Variants in CTNNA3 observed in about 807,000 individuals in gnomAD.
CTNNA3 encodes catenin alpha 3.
Under a neutral mutation model 95.7 loss-of-function variants are expected in CTNNA3, and 76 were observed. The ratio of observed to expected loss-of-function variants is 0.79; its 90% confidence interval spans 0.66 to 0.96. CTNNA3 has a LOEUF of 0.96. CTNNA3 is among the 40% of genes least tolerant of loss of function. The pLI is 0.00. For synonymous variants in CTNNA3, 431 were observed against 374.4 expected (o/e 1.15, Z -1.74); for missense variants, 1,191 against 1,089.8 (o/e 1.09, Z -1.31).
At chr10:66,069,890 G>A (rs1409921719) in intron 14 of CTNNA3, among the ~76,000 whole-genome samples, 1 of 152,036 alleles carries the variant, frequency 6.6e-6, no homozygotes, top group African/African-American at 2.4e-5. Flanking sequence ...CTTGAAATGA[G>A]ACTATGTCTA....
chr10:66,718,403 T>C (rs984894305), intron 9 of CTNNA3, among the ~76,000 whole-genome samples: 119 of 152,148 alleles, frequency 7.8e-4, no homozygotes, highest in African/African-American at 2.8e-3. Flanking sequence ...TTAATAGTTC[T>C]CCATTGTTAA....
At chr10:66,316,719 CT>C (rs1245670862) in intron 12 of CTNNA3, among the ~76,000 whole-genome samples, 20 of 152,062 alleles carry the variant, frequency 1.3e-4, no homozygotes, top group Admixed American at 7.9e-4. Context: ...TTTTCTCCCC[CT>C]ATCATTGTTT....
intron 7 of CTNNA3, among the ~76,000 whole-genome samples, chr10:67,083,253 C>A (rs1383393087): frequency 6.6e-6 from 1 of 152,126 alleles, no homozygotes; most frequent in Non-Finnish European, 1.5e-5. Flanking sequence ...AGGCTTAGCA[C>A]CATAACACAA....
intron 7 of CTNNA3, among the ~76,000 whole-genome samples, chr10:66,831,504 G>A (rs896852380): frequency 4.6e-5 from 7 of 152,110 alleles, no homozygotes; most frequent in Admixed American, 3.3e-4. Context: ...AATCTTTTCT[G>A]GGATGCTTTC....
At chr10:67,672,736 A>T (rs147872249) in intron 1 of CTNNA3, among the ~76,000 whole-genome samples, 2 of 152,074 alleles carry the variant, frequency 1.3e-5, no homozygotes, top group African/African-American at 4.8e-5. Flanking sequence ...TTTTGGTACC[A>T]GTATCATGCT....
intron 6 of CTNNA3, among the ~76,000 whole-genome samples, chr10:67,184,538 G>C: frequency 6.6e-6 from 1 of 152,200 alleles, no homozygotes; most frequent in East Asian, 1.9e-4. Context: ...TGAAGCAATT[G>C]AGATGTCTAT....
chr10:66,011,643 A>C (rs955224397), intron 15 of CTNNA3, among the ~76,000 whole-genome samples: 1 of 152,196 alleles, frequency 6.6e-6, no homozygotes, highest in Non-Finnish European at 1.5e-5. Flanking sequence ...TCATACTGTC[A>C]GAAATGTGTA....
chr10:67,502,319 T>C (rs1839259380), intron 5 of CTNNA3, among the ~76,000 whole-genome samples: 2 of 152,192 alleles, frequency 1.3e-5, no homozygotes, highest in African/African-American at 4.8e-5. Flanking sequence ...CAGCAAAGAC[T>C]GCTCCTGTTC....
At chr10:66,119,048 T>C (rs1308192762) in intron 13 of CTNNA3, among the ~76,000 whole-genome samples, 1 of 152,182 alleles carries the variant, frequency 6.6e-6, no homozygotes, top group African/African-American at 2.4e-5. Context: ...AGCCACACTA[T>C]TCTTTTTAAA....
chr10:66,477,339 C>A (rs1422508904), intron 11 of CTNNA3, among the ~76,000 whole-genome samples: 1 of 151,978 alleles, frequency 6.6e-6, no homozygotes, highest in Non-Finnish European at 1.5e-5. Flanking sequence ...TATTTCAGAG[C>A]TTTTAAAATG....
intron 7 of CTNNA3, among the ~76,000 whole-genome samples, chr10:67,073,720 CAA>C (rs977806240): frequency 2.0e-5 from 3 of 151,684 alleles, no homozygotes; most frequent in African/African-American, 7.3e-5. Flanking sequence ...CAAAAAAAAT[CAA>C]AGACAGATAA....
intron 9 of CTNNA3, among the ~76,000 whole-genome samples, chr10:66,652,666 T>A (rs181259217): frequency 6.6e-6 from 1 of 152,172 alleles, no homozygotes; most frequent in Admixed American, 6.5e-5. Flanking sequence ...CCATACCAAA[T>A]CCATAAAAGG....
intron 7 of CTNNA3, among the ~76,000 whole-genome samples, chr10:66,954,491 C>G (rs1291127064): frequency 1.3e-5 from 2 of 152,046 alleles, no homozygotes; most frequent in African/African-American, 4.8e-5. Context: ...CTACACGGTC[C>G]CGCAATGGAT....
intron 5 of CTNNA3, among the ~76,000 whole-genome samples, chr10:67,232,687 A>G (rs1195535718): frequency 6.6e-6 from 1 of 151,874 alleles, no homozygotes; most frequent in Non-Finnish European, 1.5e-5. Flanking sequence ...AAATGGACTA[A>G]ATGCTCCAAT....
intron 7 of CTNNA3, among the ~76,000 whole-genome samples, chr10:67,035,630 A>T (rs1003051821): frequency 4.6e-5 from 7 of 152,194 alleles, no homozygotes; most frequent in African/African-American, 1.2e-4. Flanking sequence ...AGGAAAATTT[A>T]AAAAGCCCAA....
intron 15 of CTNNA3, among the ~76,000 whole-genome samples, chr10:66,007,947 G>A (rs1212594364): frequency 6.6e-6 from 1 of 151,674 alleles, no homozygotes. Flanking sequence ...GGATGTATTA[G>A]GCCACAGCCT....
At chr10:67,488,040 T>C (rs1848511322) in intron 5 of CTNNA3, among the ~76,000 whole-genome samples, 1 of 152,112 alleles carries the variant, frequency 6.6e-6, no homozygotes. Flanking sequence ...TGCATCTAAG[T>C]ATGTTTGTGA....
intron 5 of CTNNA3, among the ~76,000 whole-genome samples, chr10:67,395,750 G>C (rs554741658): frequency 6.6e-6 from 1 of 152,118 alleles, no homozygotes; most frequent in African/African-American, 2.4e-5. Flanking sequence ...AACAACAATA[G>C]TTAAGATTTT....
At chr10:66,322,949 C>T (rs75766601) in intron 12 of CTNNA3, among the ~76,000 whole-genome samples, 10,745 of 151,698 alleles carry the variant, frequency 0.071, 569 homozygotes, top group East Asian at 0.11. Context: ...AGTTAGTCAC[C>T]TTTCCTAGAA....
Sources: allele counts gnomAD v4.1 joint callset (sites outside exome capture counted in the v4.1 genomes callset), GRCh38; gene constraint gnomAD v4.1.1; transcripts MANE v1.5; gene names NCBI Gene and HGNC (gene_info 2026-07-23, HGNC 2026-07-21).